Variants in LRRC2 observed in about 807,000 individuals in gnomAD.
The protein encoded by LRRC2 is leucine rich repeat containing 2.
LRRC2 carries 27 observed loss-of-function variants against 40.2 expected under a neutral mutation model. The ratio of observed to expected loss-of-function variants is 0.67; its 90% CI spans 0.49 to 0.93. LRRC2 has a LOEUF of 0.93. LRRC2 is among the 40% of genes least tolerant of loss of function. LRRC2 has a pLI of 0.00. For synonymous variants in LRRC2, 147 were observed against 158.9 expected, an observed-to-expected ratio of 0.92 and a Z score of 0.56; for missense variants, 402 against 439.6, an observed-to-expected ratio of 0.91 and a Z score of 0.76.
intron 1 of LRRC2, among the ~76,000 whole-genome samples, chr3:46,556,856 C>T (rs1210112618): frequency 6.6e-6 from 1 of 152,136 alleles, no homozygotes; most frequent in Non-Finnish European, 1.5e-5. Context: ...GGATTACAGG[C>T]GTGAGCCATC....
In LRRC2 at chr3:46,518,657, C is replaced by A. The variant is rs182494106; in HGVS notation, c.*357G>T. The stretch of plus-strand genomic sequence containing the variant: ...GATTACAGGTGTGAGCCACCACACC[C>A]GGCCCCTTTATCTTTTGATTCCTGA... On this transcript the variant is annotated 3_prime_UTR_variant, in exon 9 of 9. Coordinates refer to ENST00000395905, the MANE Select transcript of LRRC2 (RefSeq NM_024512.5). 1,659 of 166,482 alleles carry A rather than the reference C, an allele frequency of 1.0e-2. 15 individuals are homozygous for A. The highest frequency in any genetic ancestry group is 0.02 in the Middle Eastern group (7 of 342). The allele number at this position is 166,482 out of a possible 1,614,324, so 10.3% of individuals were successfully genotyped here.
chr3:46,536,212 C>T (rs1384191553), intron 4 of LRRC2, among the ~76,000 whole-genome samples: 1 of 152,170 alleles, frequency 6.6e-6, no homozygotes, highest in African/African-American at 2.4e-5. Flanking sequence ...GGAAACTTAG[C>T]GCTTACTGAG....
Position 46,532,807 on chromosome 3 carries a change from G to A in LRRC2, c.593C>T (p.Ser198Phe). Residue 198 changes from serine (S) to phenylalanine (F), a missense_variant, in exon 5 of 9, where the codon TCT (serine) becomes TTT (phenylalanine). Coordinates refer to ENST00000395905, the MANE Select transcript of LRRC2 (RefSeq NM_024512.5). ...CAGCTCCATTAATTCTAGATTTCCA[G>A]AACAATCCAGTCTCTCTAGATTTTC... ...DCENLERLDC[S>F]GNLELMELPF... 1 of 1,613,798 alleles carries A rather than the reference G, an allele frequency of 6.2e-7. No individual in the cohort carries two copies. Among genetic ancestry groups the A allele is most frequent in the Non-Finnish European group, 8.5e-7 (1 of 1,179,804 alleles).
At chr3:46,542,698 G>A (rs1392849266) in intron 3 of LRRC2, among the ~76,000 whole-genome samples, 6 of 152,138 alleles carry the variant, frequency 3.9e-5, no homozygotes, top group African/African-American at 1.4e-4. Context: ...CAAACAGCTC[G>A]GGGAAATTAA....
chr3:46,556,199 A>C (rs891940067), intron 1 of LRRC2, among the ~76,000 whole-genome samples: 1 of 151,738 alleles, frequency 6.6e-6, no homozygotes, highest in Non-Finnish European at 1.5e-5. Flanking sequence ...AACTCACTGC[A>C]GCCTCAACCT....
chr3:46,534,795 G>A (rs1047866288), intron 4 of LRRC2, among the ~76,000 whole-genome samples: 2 of 152,028 alleles, frequency 1.3e-5, no homozygotes, highest in African/African-American at 4.8e-5. Context: ...CCCTTCATCA[G>A]CCCTCAATAG....
chr3:46,564,931 G>A (rs577368232), intron 1 of LRRC2, among the ~76,000 whole-genome samples: 1 of 152,344 alleles, frequency 6.6e-6, no homozygotes, highest in Admixed American at 6.5e-5. Context: ...CAACCAAGGA[G>A]CTTTGGTGAC....
intron 4 of LRRC2, among the ~76,000 whole-genome samples, chr3:46,538,197 A>G (rs1181193366): frequency 6.6e-6 from 1 of 152,248 alleles, no homozygotes; most frequent in Non-Finnish European, 1.5e-5. Context: ...CCCAGGGCAC[A>G]TGTGTAAGAA....
chr3:46,534,396 C>A (rs1704228769), intron 4 of LRRC2, among the ~76,000 whole-genome samples: 1 of 151,340 alleles, frequency 6.6e-6, no homozygotes, highest in Non-Finnish European at 1.5e-5. Context: ...TTTTTGTTTT[C>A]TTTCTTTTCT....
chr3:46,522,671 C>G (rs1055302529), intron 7 of LRRC2, among the ~76,000 whole-genome samples: 4 of 152,084 alleles, frequency 2.6e-5, no homozygotes, highest in Non-Finnish European at 4.4e-5. Context: ...TATGACGACA[C>G]TACTGCACTC....
intron 4 of LRRC2, 54 bp from the exon 5 acceptor site, chr3:46,532,963 G>A: frequency 1.3e-6 from 2 of 1,568,786 alleles, no homozygotes; most frequent in African/African-American, 1.4e-5. Flanking sequence ...GGTCTTTTAA[G>A]AACAAAAAGC....
intron 1 of LRRC2, among the ~76,000 whole-genome samples, chr3:46,556,499 G>A (rs548891288): frequency 6.7e-6 from 1 of 150,120 alleles, no homozygotes; most frequent in Non-Finnish European, 1.5e-5. Context: ...GGATTATCCT[G>A]ATTTAGATTT....
rs746163969 is a variant in LRRC2 at position 46,519,031 on chromosome 3, A to G, written c.1099T>C (p.Phe367Leu). The stretch of plus-strand genomic sequence containing the variant: ...GATGGATATCAAAGTTGAAGGCTAA[A>G]AGACACTTTGGTGGTATAGCTGGGA... ...SVPSYTTKVS[F>L]SLQL The change falls in exon 9 of 9, where the codon TTT (phenylalanine) becomes CTT (leucine). Residue 367 changes from phenylalanine to leucine, a missense_variant. Transcript: ENST00000395905. 2 of 1,609,638 alleles carry G rather than the reference A, an allele frequency of 1.2e-6. No homozygotes were observed. Among genetic ancestry groups the G allele is most frequent in the Admixed American group, 3.3e-5 (2 of 60,018 alleles).
rs565987369 is a variant in LRRC2, at chr3:46,548,817, T to C, written c.125+2650A>G. On this transcript the variant is annotated intron_variant, in intron 2 of 8. Coordinates refer to ENST00000395905, the MANE Select transcript of LRRC2 (RefSeq NM_024512.5). ...GGGGGATGGTTTCGGGATAAAACTG[T>C]TCCACCTCAGATCATCAGGCATTAG... Among the ~76,000 whole-genome samples the C allele has an allele frequency of 1.6e-4, 25 of 152,302 alleles. No homozygotes were observed. The South Asian group carries it at 1.9e-3, about 11-fold the overall frequency.
chr3:46,530,875 G>A lies in LRRC2; in HGVS notation c.628-825C>T, dbSNP rs560076648. On this transcript the variant is annotated intron_variant, in intron 5 of 8. Coordinates refer to ENST00000395905, the MANE Select transcript of LRRC2 (RefSeq NM_024512.5). ...AAGATGAGATTTGGGTGGGGACGCA[G>A]CCAAACCATATCACCATATCATCAT... 4.6e-5 allele frequency among the ~76,000 whole-genome samples: 7 copies of A among 152,242 alleles called. No individual in the cohort carries two copies. In the East Asian group the frequency reaches 9.6e-4, roughly 21 times the overall value.
intron 4 of LRRC2, among the ~76,000 whole-genome samples, chr3:46,533,799 G>GTTTCTTTCTTTC (rs139748444): frequency 1.6e-5 from 1 of 60,822 alleles, no homozygotes; most frequent in Admixed American, 1.9e-4. Flanking sequence ...TTCTTTCTTT[G>GTTTCTTTCTTTC]TTTCTTTCTT....
rs371787059 is a variant in LRRC2 at position 46,518,965 on chromosome 3, T to G, written c.*49A>C. On this transcript the variant is annotated 3_prime_UTR_variant, in exon 9 of 9. Coordinates refer to ENST00000395905, the MANE Select transcript of LRRC2 (RefSeq NM_024512.5). ...TATATGACATGATCATAACAAAGAT[T>G]TATATATAGCTCCAGAGAATAGTGA... The G allele has an allele frequency of 2.5e-5, 31 of 1,261,372 alleles. No individual in the cohort carries two copies. The highest frequency in any genetic ancestry group is 2.0e-4 in the Admixed American group (12 of 59,378). 78.1% of individuals were successfully genotyped at this position (1,261,372 alleles called of 1,614,324 possible).
chr3:46,548,474 A>G (rs937876323), intron 2 of LRRC2, among the ~76,000 whole-genome samples: 2 of 152,208 alleles, frequency 1.3e-5, no homozygotes, highest in African/African-American at 2.4e-5. Flanking sequence ...TTTTCACTCT[A>G]TCACCCATAT....
chr3:46,544,924 CT>C (rs1334438146), intron 3 of LRRC2, 121 bp downstream of exon 3: 1 of 958,468 alleles, frequency 1.0e-6, no homozygotes, highest in African/African-American at 1.6e-5. Flanking sequence ...CTGCGTTTCA[CT>C]GAGGAAGGGA....
Sources: allele counts gnomAD v4.1 joint callset (sites outside exome capture counted in the v4.1 genomes callset), GRCh38; gene constraint gnomAD v4.1.1; transcripts MANE v1.5; gene names NCBI Gene and HGNC (gene_info 2026-07-23, HGNC 2026-07-21).